The following AGPAT4 variants were observed in gnomAD, a reference collection of about 807,000 sequenced individuals.
AGPAT4 encodes the protein 1-acyl-sn-glycerol-3-phosphate acyltransferase delta.
AGPAT4 carries 15 observed loss-of-function variants against 48.0 expected under a neutral mutation model. The observed-to-expected ratio is 0.31, with a 90% CI of 0.21 to 0.48. The LOEUF is 0.48. AGPAT4 is among the 20% of genes least tolerant of loss of function. The pLI is 0.99. For synonymous variants in AGPAT4, 178 were observed against 198.7 expected (o/e 0.90, Z 0.88); for missense variants, 314 against 482.5 (o/e 0.65, Z 3.27).
chr6:161,131,372 A>T lies in AGPAT4; in HGVS notation c.*5168T>A, dbSNP rs1393634584. The T allele has an allele frequency of 1.3e-5, 2 of 153,142 alleles. No individual in the cohort carries two copies. The highest frequency in any genetic ancestry group is 2.9e-5 in the Non-Finnish European group (2 of 68,642). The allele number at this position is 153,142 out of a possible 1,614,324, so 9.5% of individuals were successfully genotyped here. The stretch of plus-strand genomic sequence containing the variant: ...GAACCTGGATGTCCTTTCCTGGAGA[A>T]CAGCTTTGCTATTTCACTGGTAACT... On this transcript the variant is annotated 3_prime_UTR_variant, in exon 9 of 9. Coordinates refer to ENST00000320285, the MANE Select transcript of AGPAT4 (RefSeq NM_020133.3).
In AGPAT4 at chr6:161,139,208, G is replaced by A. The variant is rs952195946; in HGVS notation, c.1042+214C>T. Among the ~76,000 whole-genome samples, 1 of 152,334 alleles carries A rather than the reference G, an allele frequency of 6.6e-6. No individual in the cohort carries two copies. Among genetic ancestry groups the A allele is most frequent in the South Asian group, 2.1e-4 (1 of 4,832 alleles). ...GTGTGGAATCCAGCCCCAGGTGGGA[G>A]GCTGGACCGTCCAGGCTGCGGAGGG... On this transcript the variant is annotated intron_variant, in intron 8 of 8. Transcript: ENST00000320285. The surrounding 1 kb of genome is among the most constrained non-coding windows in gnomAD (Gnocchi z 9.1).
chr6:161,267,435 C>T lies in AGPAT4; in HGVS notation c.-90+6503G>A, dbSNP rs534762698. Among the ~76,000 whole-genome samples, 5 of 152,172 alleles carry T rather than the reference C, an allele frequency of 3.3e-5. No homozygotes were observed. Among genetic ancestry groups the T allele is most frequent in the Admixed American group, 6.5e-5 (1 of 15,278 alleles). On this transcript the variant is annotated intron_variant, in intron 1 of 8. Coordinates refer to ENST00000320285, the MANE Select transcript of AGPAT4 (RefSeq NM_020133.3). The surrounding 1 kb of genome is among the most constrained non-coding windows in gnomAD (Gnocchi z 5.2). ...TATTTGAAAAATATTAGCTGGGGAA[C>T]GGGCGCAGTGGCTCACATCTGTAAT...
chr6:161,154,134 C>G lies in AGPAT4; in HGVS notation c.510+15G>C, dbSNP rs1779692282. 1 of 1,614,072 alleles carries G rather than the reference C, an allele frequency of 6.2e-7. No individual in the cohort carries two copies. The highest frequency in any genetic ancestry group is 8.5e-7 in the Non-Finnish European group (1 of 1,180,020). Reference sequence around the variant, plus strand: ...CAGGAGCCCTTGGGACACAGCTGCTCTGGTGCCTACATACAAAATACTTCT... The same window carrying G: ...CAGGAGCCCTTGGGACACAGCTGCTGTGGTGCCTACATACAAAATACTTCT... On this transcript the variant is annotated intron_variant, in intron 4 of 8. Transcript: ENST00000320285. This position sits in a 1 kb window ranked among gnomAD's most constrained non-coding sequence, Gnocchi z 7.8.
At position 161,270,206 on chromosome 6, in the gene AGPAT4, C is replaced by T. The variant is rs1198281808; in HGVS notation, c.-90+3732G>A. ...TGTGGGACCTGACACCTATTAAACA[C>T]GTAATAAACAGCTGTTGAAGAAAGA... On this transcript the variant is annotated intron_variant, in intron 1 of 8. Transcript: ENST00000320285. The surrounding 1 kb of genome is among the most constrained non-coding windows in gnomAD (Gnocchi z 5.3). Among the ~76,000 whole-genome samples, 2 of 152,284 alleles carry T rather than the reference C, an allele frequency of 1.3e-5. No individual in the cohort carries two copies. The highest frequency in any genetic ancestry group is 2.1e-4 in the South Asian group (1 of 4,820).
In AGPAT4 at chr6:161,266,089, A is replaced by G. The variant is rs1406393417; in HGVS notation, c.-90+7849T>C. Among the ~76,000 whole-genome samples the G allele has an allele frequency of 6.6e-6, 1 of 152,078 alleles. No homozygotes were observed. The highest frequency in any genetic ancestry group is 1.5e-5 in the Non-Finnish European group (1 of 68,008). On this transcript the variant is annotated intron_variant, in intron 1 of 8. Transcript: ENST00000320285. The surrounding 1 kb of genome is among the most constrained non-coding windows in gnomAD (Gnocchi z 6.2). ...CAGCTGTGGGCAAGTTTGTCCCTCTAGGGGATTTTTGGCTGTCACAAGTAG... is the reference window on the plus strand; with the variant it reads ...CAGCTGTGGGCAAGTTTGTCCCTCTGGGGGATTTTTGGCTGTCACAAGTAG...
rs755578923 is a variant in AGPAT4 at position 161,201,143 on chromosome 6, T to G, written c.178+30893A>C. 3.3e-5 allele frequency among the ~76,000 whole-genome samples: 5 copies of G among 152,230 alleles called. No homozygotes were observed. The highest frequency in any genetic ancestry group is 7.3e-5 in the Non-Finnish European group (5 of 68,048). ...ATCAACTCAGGTTCCTCTGCAATAT[T>G]GATCCTCCAGGTCCTTTCTGGAGAA... On this transcript the variant is annotated intron_variant, in intron 2 of 8. Coordinates refer to ENST00000320285, the MANE Select transcript of AGPAT4 (RefSeq NM_020133.3). This position sits in a 1 kb window ranked among gnomAD's most constrained non-coding sequence, Gnocchi z 6.0.
At chr6:161,136,875 G>T (rs186698575) in intron 8 of AGPAT4, among the ~76,000 whole-genome samples, 2 of 152,302 alleles carry the variant, frequency 1.3e-5, no homozygotes, top group African/African-American at 2.4e-5. Flanking sequence ...GACCCTGAAG[G>T]TGAATGATTT....
In AGPAT4 at chr6:161,158,008, G is replaced by A. The variant is rs894636760; in HGVS notation, c.349-3698C>T. ...TACAAAAGCACAAAGTTGAGACTCT[G>A]ACATGGGCGTTCAATAACTTGTAGC... On this transcript the variant is annotated intron_variant, in intron 3 of 8. Coordinates refer to ENST00000320285, the MANE Select transcript of AGPAT4 (RefSeq NM_020133.3). The surrounding 1 kb of genome is among the most constrained non-coding windows in gnomAD (Gnocchi z 5.3). Among the ~76,000 whole-genome samples the A allele has an allele frequency of 1.3e-5, 2 of 152,230 alleles. No individual in the cohort carries two copies. The highest frequency in any genetic ancestry group is 2.9e-5 in the Non-Finnish European group (2 of 68,044).
At chr6:161,224,977 G>C (rs182284446) in intron 2 of AGPAT4, among the ~76,000 whole-genome samples, 1 of 151,996 alleles carries the variant, frequency 6.6e-6, no homozygotes, top group African/African-American at 2.4e-5. Context: ...AACCTGTTTC[G>C]ATTACCTGCT....
At chr6:161,190,868 T>C (rs1221949190) in intron 2 of AGPAT4, among the ~76,000 whole-genome samples, 2 of 152,236 alleles carry the variant, frequency 1.3e-5, no homozygotes, top group East Asian at 1.9e-4. Context: ...ATTTATCCAA[T>C]AGACTGTAAT....
chr6:161,164,096 C>T lies in AGPAT4; in HGVS notation c.348+2152G>A, dbSNP rs1215156736. On this transcript the variant is annotated intron_variant, in intron 3 of 8. Coordinates refer to ENST00000320285, the MANE Select transcript of AGPAT4 (RefSeq NM_020133.3). The surrounding 1 kb of genome is among the most constrained non-coding windows in gnomAD (Gnocchi z 7.4). ...TGTTGACTTGCTTTCCCGCCATCAGCGCTCCCGCCCTTATGCTCAGAGTTG... is the reference window on the plus strand; with the variant it reads ...TGTTGACTTGCTTTCCCGCCATCAGTGCTCCCGCCCTTATGCTCAGAGTTG... 1.3e-5 allele frequency among the ~76,000 whole-genome samples: 2 copies of T among 152,194 alleles called. No homozygotes were observed. Among genetic ancestry groups the T allele is most frequent in the African/African-American group, 2.4e-5 (1 of 41,428 alleles).
intron 1 of AGPAT4, among the ~76,000 whole-genome samples, chr6:161,250,261 G>A (rs1350767345): frequency 1.3e-5 from 2 of 152,104 alleles, no homozygotes; most frequent in Admixed American, 1.3e-4. Context: ...AATACCTGGT[G>A]ACAAAATAAT....
rs779383666 is a variant in AGPAT4 at position 161,145,747 on chromosome 6, A to G, written c.843+777T>C. Among the ~76,000 whole-genome samples the G allele has an allele frequency of 2.0e-4, 31 of 151,772 alleles. No homozygotes were observed. In the Middle Eastern group the frequency reaches 0.014, roughly 67 times the overall value. ...ACAGAACCCATGAGAGCCAGCCCGCATTTATGGAGTTTGAGGAAAAGGTCA... is the reference window on the plus strand; with the variant it reads ...ACAGAACCCATGAGAGCCAGCCCGCGTTTATGGAGTTTGAGGAAAAGGTCA... On this transcript the variant is annotated intron_variant, in intron 7 of 8. Transcript: ENST00000320285.
In AGPAT4 at chr6:161,130,973, T is replaced by C. The variant is rs1025000236; in HGVS notation, c.*5567A>G. The C allele has an allele frequency of 1.4e-5, 7 of 495,900 alleles. No homozygotes were observed. The highest frequency in any genetic ancestry group is 1.4e-4 in the African/African-American group (7 of 51,242). 30.7% of individuals were successfully genotyped at this position (495,900 alleles called of 1,614,324 possible). A position where few individuals can be genotyped will look rare whatever the true frequency, so the allele number is the denominator to read the frequency against. On this transcript the variant is annotated 3_prime_UTR_variant, in exon 9 of 9. Transcript: ENST00000320285. ...TCTGGCTAAAACTAGTACTATGGAA[T>C]AGAAAAGGAAAAGTGACATTTGTGT...
intron 2 of AGPAT4, among the ~76,000 whole-genome samples, chr6:161,228,661 T>TAAAAAAAAAGAAAAAAAAAAAAAAAA (rs1782046660): frequency 1.2e-5 from 1 of 84,090 alleles, no homozygotes; most frequent in Non-Finnish European, 2.2e-5. Context: ...GTCAGAGAGG[T>TAAAAAAAAAGAAAAAAAAAAAAAAAA]AAAAAAAAAA....
chr6:161,166,518 A>G lies in AGPAT4; in HGVS notation c.179-101T>C. On this transcript the variant is annotated intron_variant, in intron 2 of 8. Coordinates refer to ENST00000320285, the MANE Select transcript of AGPAT4 (RefSeq NM_020133.3). This position sits in a 1 kb window ranked among gnomAD's most constrained non-coding sequence, Gnocchi z 6.7. Reference sequence around the variant, plus strand: ...GCCCTCCCAGCTAGGGGAGAAAGCAACTTCTACGGGCAAAGTTCTGGATCG... The same window carrying G: ...GCCCTCCCAGCTAGGGGAGAAAGCAGCTTCTACGGGCAAAGTTCTGGATCG... The G allele has an allele frequency of 7.2e-7, 1 of 1,391,478 alleles. No individual in the cohort carries two copies. The highest frequency in any genetic ancestry group is 2.4e-5 in the East Asian group (1 of 42,480). The allele number at this position is 1,391,478 out of a possible 1,614,324, so 86.2% of individuals were successfully genotyped here.
Position 161,202,174 on chromosome 6 carries a change from G to A in AGPAT4, c.178+29862C>T, listed in dbSNP as rs535549932. 5.3e-5 allele frequency among the ~76,000 whole-genome samples: 8 copies of A among 152,148 alleles called. No individual in the cohort carries two copies. The highest frequency in any genetic ancestry group is 4.6e-4 in the Admixed American group (7 of 15,286). On this transcript the variant is annotated intron_variant, in intron 2 of 8. Coordinates refer to ENST00000320285, the MANE Select transcript of AGPAT4 (RefSeq NM_020133.3). This position sits in a 1 kb window ranked among gnomAD's most constrained non-coding sequence, Gnocchi z 5.4. ...AATAACAAAAACACTTATTATCTCC[G>A]ACAGTTTCTGAAGGTGGAGAATTCA...
chr6:161,195,022 C>T lies in AGPAT4; in HGVS notation c.179-28605G>A. On this transcript the variant is annotated intron_variant, in intron 2 of 8. Transcript: ENST00000320285. This position sits in a 1 kb window ranked among gnomAD's most constrained non-coding sequence, Gnocchi z 5.0. ...GCCCCGGGAGAAGCTTTGGCCACCA[C>T]CTTCCAAGTCCTTGCTTAATTTCTC... Among the ~76,000 whole-genome samples, 1 of 152,132 alleles carries T rather than the reference C, an allele frequency of 6.6e-6. No individual in the cohort carries two copies. Among genetic ancestry groups the T allele is most frequent in the Non-Finnish European group, 1.5e-5 (1 of 68,038 alleles).
In AGPAT4 at chr6:161,161,510, G is replaced by A. The variant is rs1779934443; in HGVS notation, c.348+4738C>T. 4 of 456,544 alleles carry A rather than the reference G, an allele frequency of 8.8e-6. No homozygotes were observed. Among genetic ancestry groups the A allele is most frequent in the Non-Finnish European group, 4.4e-6 (1 of 226,908 alleles). 28.3% of individuals were successfully genotyped at this position (456,544 alleles called of 1,614,324 possible). A position where few individuals can be genotyped will look rare whatever the true frequency, so the allele number is the denominator to read the frequency against. On this transcript the variant is annotated intron_variant, in intron 3 of 8. Coordinates refer to ENST00000320285, the MANE Select transcript of AGPAT4 (RefSeq NM_020133.3). This position sits in a 1 kb window ranked among gnomAD's most constrained non-coding sequence, Gnocchi z 4.6. The stretch of plus-strand genomic sequence containing the variant: ...GCCTGCAGAGCTGATGAATTCACAT[G>A]GTGGCGGGCAGCACTGGGTATCTGC...
Sources: allele counts gnomAD v4.1 joint callset (sites outside exome capture counted in the v4.1 genomes callset), GRCh38; gene constraint gnomAD v4.1.1; non-coding constraint Gnocchi (gnomAD v3.1); transcripts MANE v1.5; gene names NCBI Gene and HGNC (gene_info 2026-07-23, HGNC 2026-07-21).